MEI4: variants seen among roughly 807,000 people sequenced by gnomAD.
The protein encoded by MEI4 is meiosis-specific protein MEI4.
MEI4 carries 27 observed loss-of-function variants against 31.4 expected under a neutral mutation model. The observed-to-expected ratio is 0.86, with a 90% confidence interval of 0.63 to 1.19. The LOEUF is 1.19. Ranked by LOEUF, MEI4 falls within the 50% of genes most tolerant of loss-of-function variation. MEI4 has a pLI of 0.00. For synonymous variants in MEI4, 122 were observed against 145.4 expected, an observed-to-expected ratio of 0.84 and a Z score of 1.16; for missense variants, 329 against 398.9, an observed-to-expected ratio of 0.82 and a Z score of 1.49.
At chr6:77,876,914 G>C (rs1173217141) in intron 4 of MEI4, among the ~76,000 whole-genome samples, 1 of 152,040 alleles carries the variant, frequency 6.6e-6, no homozygotes, top group Non-Finnish European at 1.5e-5. Flanking sequence ...GAAGGAAAAG[G>C]AGGGAAAAAA....
intron 4 of MEI4, among the ~76,000 whole-genome samples, chr6:77,859,129 G>T (rs1258753450): frequency 6.6e-6 from 1 of 152,080 alleles, no homozygotes; most frequent in African/African-American, 2.4e-5. Context: ...TTGGTTTTCT[G>T]TTTCTGTGTT....
intron 2 of MEI4, among the ~76,000 whole-genome samples, chr6:77,746,346 T>C (rs1767603085): frequency 6.6e-6 from 1 of 152,108 alleles, no homozygotes; most frequent in Admixed American, 6.6e-5. Flanking sequence ...ACCTCCGAAA[T>C]GTAGGTTGGC....
intron 4 of MEI4, among the ~76,000 whole-genome samples, chr6:77,899,982 T>C (rs1259797090): frequency 6.6e-6 from 1 of 150,992 alleles, no homozygotes; most frequent in Non-Finnish European, 1.5e-5. Flanking sequence ...CAAGAATTTT[T>C]AAATAAGACC....
At chr6:77,751,641 A>G (rs1767778308) in intron 2 of MEI4, among the ~76,000 whole-genome samples, 1 of 152,188 alleles carries the variant, frequency 6.6e-6, no homozygotes, top group Non-Finnish European at 1.5e-5. Context: ...ACTAACCAAA[A>G]AAAGTCCAGG....
At chr6:77,757,765 C>T (rs578156856) in intron 2 of MEI4, among the ~76,000 whole-genome samples, 10 of 152,038 alleles carry the variant, frequency 6.6e-5, no homozygotes, top group Non-Finnish European at 1.2e-4. Context: ...TAGTGTAGTC[C>T]GTATTTCCCC....
chr6:77,881,902 C>CATT (rs995526773), intron 4 of MEI4, among the ~76,000 whole-genome samples: 1 of 152,174 alleles, frequency 6.6e-6, no homozygotes, highest in African/African-American at 2.4e-5. Flanking sequence ...TTTCAAGACA[C>CATT]ATTAGTGTAT....
At chr6:77,919,826 G>C (rs369731580) in intron 4 of MEI4, among the ~76,000 whole-genome samples, 5 of 149,226 alleles carry the variant, frequency 3.4e-5, no homozygotes, top group South Asian at 4.3e-4. Flanking sequence ...TATCACCACC[G>C]ATCCCACAGA....
At chr6:77,863,579 A>C (rs1342222003) in intron 4 of MEI4, among the ~76,000 whole-genome samples, 1 of 152,238 alleles carries the variant, frequency 6.6e-6, no homozygotes, top group African/African-American at 2.4e-5. Flanking sequence ...ATATGGGACT[A>C]TGTGAAAAGA....
At chr6:77,853,979 T>C (rs1269370077) in intron 4 of MEI4, among the ~76,000 whole-genome samples, 1 of 152,196 alleles carries the variant, frequency 6.6e-6, no homozygotes, top group East Asian at 1.9e-4. Context: ...TTGGAGAGTA[T>C]GATACTTGTA....
intron 3 of MEI4, among the ~76,000 whole-genome samples, chr6:77,787,787 G>A (rs1011163459): frequency 9.9e-5 from 15 of 152,026 alleles, no homozygotes; most frequent in African/African-American, 3.4e-4. Flanking sequence ...ATGCAAGACA[G>A]CACAGATATA....
At chr6:77,920,604 A>C (rs555677563) in intron 4 of MEI4, among the ~76,000 whole-genome samples, 1 of 152,018 alleles carries the variant, frequency 6.6e-6, no homozygotes, top group Non-Finnish European at 1.5e-5. Flanking sequence ...TCCCTTCCGG[A>C]AGGTTTCCAA....
chr6:77,738,634 T>C (rs1374575037), intron 2 of MEI4, among the ~76,000 whole-genome samples: 1 of 152,172 alleles, frequency 6.6e-6, no homozygotes, highest in Admixed American at 6.5e-5. Flanking sequence ...GGTCAAATGG[T>C]ATTTTTGGTT....
At chr6:77,818,580 G>T (rs577890996) in intron 3 of MEI4, among the ~76,000 whole-genome samples, 3 of 152,052 alleles carry the variant, frequency 2.0e-5, no homozygotes, top group East Asian at 1.9e-4. Flanking sequence ...TGCTTTTCTT[G>T]TACCATCATA....
chr6:77,830,543 A>C (rs1455645869), intron 4 of MEI4, among the ~76,000 whole-genome samples: 2 of 152,024 alleles, frequency 1.3e-5, no homozygotes, highest in South Asian at 2.1e-4. Context: ...AGATACTTTA[A>C]AATAATAATA....
chr6:77,694,049 A>G (rs1769209302), intron 2 of MEI4, among the ~76,000 whole-genome samples: 1 of 152,064 alleles, frequency 6.6e-6, no homozygotes, highest in South Asian at 2.1e-4. Flanking sequence ...AAAATGGCAA[A>G]ATAAACAAGG....
At chr6:77,784,099 T>G (rs1006703592) in intron 3 of MEI4, among the ~76,000 whole-genome samples, 4 of 152,112 alleles carry the variant, frequency 2.6e-5, no homozygotes, top group Non-Finnish European at 5.9e-5. Context: ...TAGTGATGCA[T>G]GAATCCCAGC....
At chr6:77,804,602 C>T (rs2127702317) in intron 3 of MEI4, among the ~76,000 whole-genome samples, 1 of 152,270 alleles carries the variant, frequency 6.6e-6, no homozygotes, top group Admixed American at 6.5e-5. Context: ...CCTCCACCCT[C>T]CCCATCTCTT....
At chr6:77,710,426 G>T (rs529737437) in intron 2 of MEI4, among the ~76,000 whole-genome samples, 8 of 149,554 alleles carry the variant, frequency 5.3e-5, no homozygotes, top group Non-Finnish European at 1.2e-4. Flanking sequence ...GGAGGCTGAG[G>T]CAGGAGAATC....
chr6:77,668,107 T>C (rs970243973), intron 1 of MEI4, among the ~76,000 whole-genome samples: 2 of 151,652 alleles, frequency 1.3e-5, no homozygotes, highest in African/African-American at 4.8e-5. Context: ...CCAAATTGAA[T>C]GTTTAATACT....
Sources: allele counts gnomAD v4.1 joint callset (sites outside exome capture counted in the v4.1 genomes callset), GRCh38; gene constraint gnomAD v4.1.1; transcripts MANE v1.5; gene names NCBI Gene and HGNC (gene_info 2026-07-23, HGNC 2026-07-21).